Variants in CCBE1 observed in about 807,000 individuals in gnomAD.
CCBE1 encodes collagen and calcium-binding EGF domain-containing protein 1.
Under a neutral mutation model 50.0 loss-of-function variants are expected in CCBE1, and 37 were observed. The ratio of observed to expected loss-of-function variants is 0.74; its 90% CI spans 0.57 to 0.97. The LOEUF (loss-of-function observed/expected upper bound fraction) is 0.97. Ranked by LOEUF, CCBE1 falls within the 50% of genes least tolerant of loss-of-function variation. The pLI is 0.00. For missense variants in CCBE1, 538 were observed against 523.8 expected, an observed-to-expected ratio of 1.03 and a Z score of -0.26; for synonymous variants, 234 against 203.7, an observed-to-expected ratio of 1.15 and a Z score of -1.27.
intron 2 of CCBE1, among the ~76,000 whole-genome samples, chr18:59,530,863 T>C (rs552268368): frequency 4.7e-4 from 72 of 152,250 alleles, no homozygotes; most frequent in Non-Finnish European, 8.1e-4. Flanking sequence ...AAAGCTATCG[T>C]CTTCAACAAT....
At chr18:59,550,764 C>A (rs528529922) in intron 2 of CCBE1, among the ~76,000 whole-genome samples, 1 of 152,058 alleles carries the variant, frequency 6.6e-6, no homozygotes, top group Non-Finnish European at 1.5e-5. Context: ...TGCGGTGGCT[C>A]ACGCCTGTAA....
At chr18:59,640,205 A>T (rs1458189408) in intron 2 of CCBE1, among the ~76,000 whole-genome samples, 1 of 152,134 alleles carries the variant, frequency 6.6e-6, no homozygotes, top group African/African-American at 2.4e-5. Context: ...AAGAATAGAG[A>T]TGGAGGCATC....
At chr18:59,454,313 C>T (rs148935650) in intron 6 of CCBE1, among the ~76,000 whole-genome samples, 9 of 152,254 alleles carry the variant, frequency 5.9e-5, no homozygotes, top group South Asian at 4.1e-4. Context: ...GGAGTGGTCC[C>T]AGCTCACTGC....
chr18:59,547,894 A>C (rs1239608460), intron 2 of CCBE1, among the ~76,000 whole-genome samples: 2 of 152,214 alleles, frequency 1.3e-5, no homozygotes, highest in African/African-American at 2.4e-5. Context: ...TTCTCACAGG[A>C]AAGTGCAACC....
chr18:59,442,772 T>C (rs1055786617), intron 7 of CCBE1, among the ~76,000 whole-genome samples: 1 of 152,070 alleles, frequency 6.6e-6, no homozygotes, highest in Non-Finnish European at 1.5e-5. Context: ...AGATTTCATA[T>C]AAAAATCTGG....
At chr18:59,585,200 T>A (rs2053160647) in intron 2 of CCBE1, among the ~76,000 whole-genome samples, 1 of 152,076 alleles carries the variant, frequency 6.6e-6, no homozygotes, top group Non-Finnish European at 1.5e-5. Flanking sequence ...CTCGTAAGTG[T>A]CATCTGTTAC....
At chr18:59,600,300 A>C (rs2053412518) in intron 2 of CCBE1, among the ~76,000 whole-genome samples, 1 of 151,670 alleles carries the variant, frequency 6.6e-6, no homozygotes. Flanking sequence ...TGAGAATCTA[A>C]TGCATGGTGA....
chr18:59,643,107 C>T (rs2054012465), intron 2 of CCBE1, among the ~76,000 whole-genome samples: 1 of 152,140 alleles, frequency 6.6e-6, no homozygotes, highest in Non-Finnish European at 1.5e-5. Flanking sequence ...ACTCTGATGA[C>T]TCCTCATCAA....
At chr18:59,497,162 G>C (rs1301199825) in intron 2 of CCBE1, among the ~76,000 whole-genome samples, 1 of 152,034 alleles carries the variant, frequency 6.6e-6, no homozygotes, top group South Asian at 2.1e-4. Context: ...TCCTGTCTTC[G>C]CTCAATACAG....
intron 2 of CCBE1, among the ~76,000 whole-genome samples, chr18:59,668,819 C>CTTTTTTTTT (rs34632549): frequency 3.7e-4 from 37 of 99,168 alleles, no homozygotes; most frequent in African/African-American, 8.7e-4. Flanking sequence ...TTCCATAAGT[C>CTTTTTTTTT]TTTTTTTTTT....
At chr18:59,474,737 A>C (rs1298630500) in intron 3 of CCBE1, among the ~76,000 whole-genome samples, 1 of 152,182 alleles carries the variant, frequency 6.6e-6, no homozygotes, top group Non-Finnish European at 1.5e-5. Flanking sequence ...CAGGAGTCTG[A>C]CTTCTTCTTA....
At chr18:59,648,949 C>T (rs931746387) in intron 2 of CCBE1, among the ~76,000 whole-genome samples, 2 of 152,224 alleles carry the variant, frequency 1.3e-5, no homozygotes, top group Admixed American at 6.5e-5. Flanking sequence ...TAATTGGTGT[C>T]ATCAGCTGAT....
chr18:59,511,894 A>C (rs1446056623), intron 2 of CCBE1, among the ~76,000 whole-genome samples: 1 of 152,260 alleles, frequency 6.6e-6, no homozygotes, highest in Non-Finnish European at 1.5e-5. Context: ...CTCGGAATCC[A>C]TCGAGAGACA....
chr18:59,646,281 A>G (rs1367852607), intron 2 of CCBE1, among the ~76,000 whole-genome samples: 2 of 152,220 alleles, frequency 1.3e-5, no homozygotes, highest in East Asian at 3.8e-4. Context: ...GGACCCAGCA[A>G]GTGAGAGTTT....
At chr18:59,678,903 C>CA (rs2144725410) in intron 2 of CCBE1, among the ~76,000 whole-genome samples, 1 of 152,182 alleles carries the variant, frequency 6.6e-6, no homozygotes, top group African/African-American at 2.4e-5. Context: ...AAAAAATAGT[C>CA]AAAGTAAAGG....
rs543499847 is a variant in CCBE1 at position 59,558,150 on chromosome 18, G to T, written c.213-77912C>A. 9.3e-4 allele frequency among the ~76,000 whole-genome samples: 142 copies of T among 152,308 alleles called. 1 individual carries two copies. Among genetic ancestry groups the T allele is most frequent in the African/African-American group, 3.3e-3 (136 of 41,574 alleles). ...TTCGCAATTCGCTAGCTGAAGTAAA[G>T]CAAGATCACTTGGCTTATGGAATCA... On this transcript the variant is annotated intron_variant, in intron 2 of 10. Transcript: ENST00000439986.
At position 59,693,005 on chromosome 18, in the gene CCBE1, AAC is replaced by A. The variant is rs1164355021; in HGVS notation, c.212+3622_212+3623del. On this transcript the variant is annotated intron_variant, in intron 2 of 10. Transcript: ENST00000439986. Reference sequence around the variant, plus strand: ...ACACACACACACACACACACACACAAACAAAAAACGCAAAGCCAAACCTATCT... The same window carrying A: ...ACACACACACACACACACACACACAAAAAAAACGCAAAGCCAAACCTATCT... Among the ~76,000 whole-genome samples the A allele has an allele frequency of 1.2e-4, 17 of 142,136 alleles. No individual in the cohort carries two copies. The South Asian group carries it at 3.1e-3, about 26-fold the overall frequency. The allele number at this position is 142,136 out of a possible 152,430, so 93.2% of individuals were successfully genotyped here. A position where few individuals can be genotyped will look rare whatever the true frequency, so the allele number is the denominator to read the frequency against.
chr18:59,534,913 A>G (rs1205060952), intron 2 of CCBE1, among the ~76,000 whole-genome samples: 1 of 152,250 alleles, frequency 6.6e-6, no homozygotes, highest in Non-Finnish European at 1.5e-5. Context: ...CAAGGCTTAG[A>G]AGAAAAAACA....
At chr18:59,594,004 GCA>G (rs1317379530) in intron 2 of CCBE1, among the ~76,000 whole-genome samples, 2 of 152,180 alleles carry the variant, frequency 1.3e-5, no homozygotes, top group Non-Finnish European at 2.9e-5. Context: ...AGGCAAAACT[GCA>G]CAGTCTCCCT....
Sources: gnomAD v4.1 joint callset for allele counts (sites outside exome capture counted in the v4.1 genomes callset) on GRCh38, gnomAD v4.1.1 for gene constraint, MANE v1.5 for transcripts, NCBI Gene and HGNC (gene_info 2026-07-23, HGNC 2026-07-21) for gene names.